Variants in RAI14 observed in about 807,000 individuals in gnomAD.
RAI14 encodes retinoic acid induced 14, also known as ankycorbin.
In RAI14, 45 loss-of-function variants were observed where a neutral mutation model predicts 115.4. The observed-to-expected ratio is 0.39, with a 90% CI of 0.31 to 0.50. The LOEUF is 0.50. Among genes scored for constraint, RAI14 ranks in the 20% least tolerant of loss-of-function variants. RAI14 has a pLI of 0.85. For synonymous variants in RAI14, 371 were observed against 415.4 expected (o/e 0.89, Z 1.30); for missense variants, 939 against 1,131.2 (o/e 0.83, Z 2.44).
intron 2 of RAI14, among the ~76,000 whole-genome samples, chr5:34,708,955 C>A (rs1741064228): frequency 6.6e-6 from 1 of 151,766 alleles, no homozygotes; most frequent in Admixed American, 6.6e-5. Context: ...CCAGTCTGGG[C>A]AACATAGCAA....
chr5:34,760,378 G>T (rs1018041067), intron 3 of RAI14, among the ~76,000 whole-genome samples: 2 of 152,160 alleles, frequency 1.3e-5, no homozygotes, highest in Non-Finnish European at 2.9e-5. Context: ...ATCAACCCCA[G>T]ATGCTCTGAA....
At chr5:34,778,341 A>G (rs1751156161) in intron 3 of RAI14, among the ~76,000 whole-genome samples, 1 of 152,010 alleles carries the variant, frequency 6.6e-6, no homozygotes, top group Non-Finnish European at 1.5e-5. Context: ...TCCCCAGGCC[A>G]CTCTTTAAGT....
intron 1 of RAI14, among the ~76,000 whole-genome samples, chr5:34,676,236 G>A (rs528193053): frequency 6.6e-6 from 1 of 152,214 alleles, no homozygotes; most frequent in Non-Finnish European, 1.5e-5. Flanking sequence ...ATGTGAAGGG[G>A]CTTACCCATA....
chr5:34,762,799 G>A (rs1478484971), intron 3 of RAI14, among the ~76,000 whole-genome samples: 1 of 152,140 alleles, frequency 6.6e-6, no homozygotes, highest in Non-Finnish European at 1.5e-5. Flanking sequence ...CCTACATTTG[G>A]ATGTGCATTT....
intron 2 of RAI14, among the ~76,000 whole-genome samples, chr5:34,729,030 C>A (rs1253260464): frequency 6.6e-6 from 1 of 152,062 alleles, no homozygotes; most frequent in Admixed American, 6.6e-5. Context: ...TGAGTGAGGG[C>A]ATCGATAAAA....
At chr5:34,726,745 C>T (rs1743519951) in intron 2 of RAI14, among the ~76,000 whole-genome samples, 2 of 152,164 alleles carry the variant, frequency 1.3e-5, no homozygotes, top group Middle Eastern at 6.8e-3. Context: ...GGGAGTTCTT[C>T]TGCACATGCT....
At chr5:34,717,835 C>T (rs1408916766) in intron 2 of RAI14, among the ~76,000 whole-genome samples, 2 of 151,198 alleles carry the variant, frequency 1.3e-5, no homozygotes, top group African/African-American at 4.9e-5. Context: ...AGCACAGATC[C>T]GGCTCCTGTT....
chr5:34,759,364 G>T (rs1388443526), intron 3 of RAI14, among the ~76,000 whole-genome samples: 3 of 152,142 alleles, frequency 2.0e-5, no homozygotes, highest in Non-Finnish European at 4.4e-5. Flanking sequence ...GACCGGACTG[G>T]TACTGCTCAC....
chr5:34,757,225 A>G (rs561002238), intron 2 of RAI14: 1 of 551,108 alleles, frequency 1.8e-6, no homozygotes, highest in South Asian at 1.5e-5. Context: ...AAAGAAGTAA[A>G]TTTTATCTCA....
At chr5:34,807,730 A>G in intron 5 of RAI14, 70 bp from the exon 6 acceptor site, 2 of 1,204,826 alleles carry the variant, frequency 1.7e-6, no homozygotes, top group African/African-American at 1.5e-5. Flanking sequence ...ACCTTGCAGG[A>G]AAAGTCTGAA....
At chr5:34,751,084 C>G (rs1277933574) in intron 2 of RAI14, among the ~76,000 whole-genome samples, 1 of 151,186 alleles carries the variant, frequency 6.6e-6, no homozygotes, top group Non-Finnish European at 1.5e-5. Context: ...CTCCCGAACT[C>G]AGGTGATCCG....
chr5:34,785,584 A>T (rs1012287985), intron 3 of RAI14, among the ~76,000 whole-genome samples: 6 of 152,182 alleles, frequency 3.9e-5, no homozygotes, highest in African/African-American at 1.2e-4. Flanking sequence ...AATGGGTTGA[A>T]TTGGTCACGT....
intron 12 of RAI14, among the ~76,000 whole-genome samples, chr5:34,816,035 T>C (rs17522697): frequency 0.13 from 19,186 of 152,232 alleles, 1,690 homozygotes; most frequent in Non-Finnish European, 0.18. Flanking sequence ...CCAAAAATTA[T>C]ATTTCAGGAA....
intron 2 of RAI14, among the ~76,000 whole-genome samples, chr5:34,700,003 G>C (rs1164997756): frequency 6.6e-6 from 1 of 152,198 alleles, no homozygotes; most frequent in East Asian, 1.9e-4. Flanking sequence ...AGGGTGGGGA[G>C]AGGGGCGGAG....
At chr5:34,806,165 G>A (rs559166233) in intron 5 of RAI14, among the ~76,000 whole-genome samples, 2 of 152,322 alleles carry the variant, frequency 1.3e-5, no homozygotes, top group East Asian at 3.9e-4. Flanking sequence ...CACAAGGAAA[G>A]CATTCTAAGC....
chr5:34,707,004 C>T (rs927548889), intron 2 of RAI14, among the ~76,000 whole-genome samples: 1 of 152,194 alleles, frequency 6.6e-6, no homozygotes, highest in Non-Finnish European at 1.5e-5. Flanking sequence ...GCCAGAGAGG[C>T]AAAGACGTCA....
intron 2 of RAI14, among the ~76,000 whole-genome samples, chr5:34,697,202 C>G (rs193269279): frequency 0.065 from 9,893 of 151,928 alleles, 1,050 homozygotes; most frequent in African/African-American, 0.23. Context: ...TTTGGGAGGC[C>G]GAGGTGGGTG....
At chr5:34,830,191 C>T (rs1757885447) in intron 17 of RAI14, among the ~76,000 whole-genome samples, 1 of 152,102 alleles carries the variant, frequency 6.6e-6, no homozygotes, top group South Asian at 2.1e-4. Flanking sequence ...GCCATGTTGC[C>T]CAGGCTGGTC....
intron 2 of RAI14, among the ~76,000 whole-genome samples, chr5:34,747,759 T>G (rs1473218959): frequency 1.3e-5 from 2 of 152,114 alleles, no homozygotes; most frequent in Non-Finnish European, 2.9e-5. Flanking sequence ...GCTCCCAAGG[T>G]AGAAATGAGA....
Sources: allele counts gnomAD v4.1 joint callset (sites outside exome capture counted in the v4.1 genomes callset), GRCh38; gene constraint gnomAD v4.1.1; transcripts MANE v1.5; gene names NCBI Gene and HGNC (gene_info 2026-07-23, HGNC 2026-07-21).